Variants in INPP4B observed in about 807,000 individuals in gnomAD.
INPP4B encodes inositol polyphosphate 4-phosphatase type II.
Under a neutral mutation model 122.5 loss-of-function variants are expected in INPP4B, and 55 were observed. The ratio of observed to expected loss-of-function variants is 0.45; its 90% CI spans 0.36 to 0.56. The LOEUF (loss-of-function observed/expected upper bound fraction) is 0.56. INPP4B is among the 20% of genes least tolerant of loss of function. INPP4B has a pLI of 0.00. For missense variants in INPP4B, 1,000 were observed against 1,097.7 expected (o/e 0.91, Z 1.26); for synonymous variants, 403 against 388.7 (o/e 1.04, Z -0.43).
intron 2 of INPP4B, among the ~76,000 whole-genome samples, chr4:142,603,409 A>T (rs893746828): frequency 6.6e-6 from 1 of 152,172 alleles, no homozygotes; most frequent in African/African-American, 2.4e-5. Context: ...AAGAAAAAAA[A>T]TACTAAGGAT....
chr4:142,785,610 A>T (rs1775656074), intron 1 of INPP4B, among the ~76,000 whole-genome samples: 1 of 152,082 alleles, frequency 6.6e-6, no homozygotes, highest in East Asian at 1.9e-4. Flanking sequence ...AAGATATAAT[A>T]ATAGCAACTT....
At chr4:142,396,322 C>T (rs6847867) in intron 7 of INPP4B, among the ~76,000 whole-genome samples, 148,440 of 152,104 alleles carry the variant, frequency 0.98, 72,544 homozygotes, top group East Asian at 1. Flanking sequence ...TTCATTTTTT[C>T]CAAAAAGAGT....
intron 16 of INPP4B, among the ~76,000 whole-genome samples, chr4:142,169,416 T>C (rs1824437711): frequency 6.6e-6 from 1 of 151,614 alleles, no homozygotes; most frequent in African/African-American, 2.4e-5. Flanking sequence ...TTACAGTGAA[T>C]AAACAATAAA....
chr4:142,416,996 A>G (rs568637438), intron 5 of INPP4B, among the ~76,000 whole-genome samples: 2 of 152,284 alleles, frequency 1.3e-5, no homozygotes, highest in South Asian at 2.1e-4. Flanking sequence ...AAATCCACCA[A>G]TTCAACAGTT....
intron 2 of INPP4B, among the ~76,000 whole-genome samples, chr4:142,619,135 A>T (rs929944868): frequency 3.9e-5 from 6 of 151,956 alleles, no homozygotes; most frequent in African/African-American, 1.4e-4. Context: ...TGCCATCCTG[A>T]GAATGTAAAA....
chr4:142,687,735 A>C (rs1759572838), intron 2 of INPP4B, among the ~76,000 whole-genome samples: 1 of 152,044 alleles, frequency 6.6e-6, no homozygotes, highest in Non-Finnish European at 1.5e-5. Flanking sequence ...AGCCCTGATT[A>C]CTATGAATGA....
chr4:142,487,144 GCT>G (rs1161919824), intron 2 of INPP4B, among the ~76,000 whole-genome samples: 1 of 152,114 alleles, frequency 6.6e-6, no homozygotes, highest in Non-Finnish European at 1.5e-5. Flanking sequence ...CTCTGCACAA[GCT>G]CTCTCTTTGC....
At chr4:142,380,362 T>G (rs1266379807) in intron 7 of INPP4B, among the ~76,000 whole-genome samples, 1 of 152,120 alleles carries the variant, frequency 6.6e-6, no homozygotes. Flanking sequence ...GCTGCTTCAT[T>G]CTCTACAGAC....
intron 5 of INPP4B, among the ~76,000 whole-genome samples, chr4:142,409,257 C>T (rs935235433): frequency 2.6e-5 from 4 of 151,900 alleles, no homozygotes; most frequent in African/African-American, 9.7e-5. Context: ...CTTTGGGAGG[C>T]CAAGGAGGGC....
intron 1 of INPP4B, among the ~76,000 whole-genome samples, chr4:142,839,556 A>G (rs529005907): frequency 2.4e-4 from 36 of 152,338 alleles, no homozygotes; most frequent in African/African-American, 7.7e-4. Context: ...TAAAATATGT[A>G]GTGTTTTTAC....
intron 2 of INPP4B, among the ~76,000 whole-genome samples, chr4:142,582,485 G>A (rs1394841796): frequency 1.3e-5 from 2 of 152,094 alleles, no homozygotes; most frequent in Admixed American, 1.3e-4. Flanking sequence ...TGTGGGAGAA[G>A]TTGGGCAGAA....
At chr4:142,718,930 A>G (rs1419622121) in intron 2 of INPP4B, among the ~76,000 whole-genome samples, 1 of 152,230 alleles carries the variant, frequency 6.6e-6, no homozygotes, top group African/African-American at 2.4e-5. Context: ...CCTATGAACT[A>G]GCTCAGTTAG....
intron 14 of INPP4B, among the ~76,000 whole-genome samples, chr4:142,202,169 T>C (rs777667681): frequency 3.3e-5 from 5 of 152,092 alleles, no homozygotes; most frequent in Non-Finnish European, 7.4e-5. Context: ...CTTGTCAAAC[T>C]AAAGACACCA....
intron 14 of INPP4B, among the ~76,000 whole-genome samples, chr4:142,193,605 A>G (rs1269782310): frequency 6.6e-6 from 1 of 151,930 alleles, no homozygotes; most frequent in Non-Finnish European, 1.5e-5. Flanking sequence ...TTTTACATAG[A>G]AAAAAAACCC....
chr4:142,767,706 G>A (rs907927199), intron 1 of INPP4B: 1 of 152,152 alleles, frequency 6.6e-6, no homozygotes, highest in Admixed American at 6.6e-5. Flanking sequence ...AGCTACAATA[G>A]GAGTAAATTA....
chr4:142,777,747 G>A (rs1774154914), intron 1 of INPP4B, among the ~76,000 whole-genome samples: 1 of 152,184 alleles, frequency 6.6e-6, no homozygotes, highest in Non-Finnish European at 1.5e-5. Flanking sequence ...CATCCCCCAA[G>A]CCTAAATCTT....
At position 142,547,462 on chromosome 4, in the gene INPP4B, AAAACCCTGCAC is replaced by A. The variant is rs565728196; in HGVS notation, c.-190-84747_-190-84737del. On this transcript the variant is annotated intron_variant, in intron 2 of 25. Transcript: ENST00000262992. ...GACATAAATATTTATGAGTGGCTCC[AAAACCCTGCAC>A]TAATTTTCTGCAACCCAATTAGCAA... is the stretch of plus-strand genomic sequence containing the variant. Among the ~76,000 whole-genome samples, 9 of 152,272 alleles carry A rather than the reference AAAACCCTGCAC, an allele frequency of 5.9e-5. No homozygotes were observed. The South Asian group carries it at 1.9e-3, about 32-fold the overall frequency.
At chr4:142,066,780 CAT>C (rs1763744837) in intron 25 of INPP4B, among the ~76,000 whole-genome samples, 1 of 152,180 alleles carries the variant, frequency 6.6e-6, no homozygotes, top group South Asian at 2.1e-4. Context: ...GAGGGAGGGG[CAT>C]CTGCCATTGC....
chr4:142,153,612 T>G (rs1171085801), intron 17 of INPP4B, among the ~76,000 whole-genome samples: 1 of 152,176 alleles, frequency 6.6e-6, no homozygotes, highest in Non-Finnish European at 1.5e-5. Flanking sequence ...TACATTATTT[T>G]ACATAATCAT....
Sources: allele counts gnomAD v4.1 joint callset (sites outside exome capture counted in the v4.1 genomes callset), GRCh38; gene constraint gnomAD v4.1.1; transcripts MANE v1.5; gene names NCBI Gene and HGNC (gene_info 2026-07-23, HGNC 2026-07-21).